ANKRD24: variants seen among roughly 807,000 people sequenced by gnomAD.
ANKRD24 encodes ankyrin repeat domain-containing protein 24.
Under a neutral mutation model 127.8 loss-of-function variants are expected in ANKRD24, and 109 were observed. The ratio of observed to expected loss-of-function variants is 0.85; its 90% CI spans 0.73 to 1.00. The LOEUF (loss-of-function observed/expected upper bound fraction) is 1.00. Ranked by LOEUF, ANKRD24 falls within the 50% of genes least tolerant of loss-of-function variation. The probability of loss-of-function intolerance (pLI) is 0.00; values close to 1 mark genes in which losing one functional copy is unlikely to be tolerated. For missense variants in ANKRD24, 1,648 were observed against 1,570.2 expected (o/e 1.05, Z -0.84); for synonymous variants, 743 against 671.1 (o/e 1.11, Z -1.66).
chr19:4,222,733 C>A lies in ANKRD24; in HGVS notation c.3235C>A (p.Leu1079Ile). The change falls in exon 20 of 22, where the codon CTC becomes ATC. Residue 1079 changes from leucine to isoleucine, a missense_variant. By Grantham distance (5) the Leu-to-Ile change is conservative (BLOSUM62 2). Transcript: ENST00000318934. The stretch of plus-strand genomic sequence containing the variant: ...AGCCTTGAAGGAGCAGCCGGCCGCC[C>A]TCGCCACCCCTGAGGTGGAGGCTCT... ...KEALKEQPAA[L>I]ATPEVEALRD... 6.2e-7 allele frequency: 1 copy of A among 1,612,102 alleles called. No homozygotes were observed. Among genetic ancestry groups the A allele is most frequent in the South Asian group, 1.1e-5 (1 of 90,744 alleles).
chr19:4,199,867 C>T lies in ANKRD24; in HGVS notation c.124-8C>T. The T allele has an allele frequency of 6.4e-7, 1 of 1,566,464 alleles. No individual in the cohort carries two copies. Among genetic ancestry groups the T allele is most frequent in the Non-Finnish European group, 8.6e-7 (1 of 1,156,520 alleles). On this transcript the variant is annotated splice_region_variant and splice_polypyrimidine_tract_variant and intron_variant, in intron 3 of 21. Coordinates refer to ENST00000318934, the MANE Select transcript of ANKRD24 (RefSeq NM_001393985.1). This position sits in a 1 kb window ranked among gnomAD's most constrained non-coding sequence, Gnocchi z 5.2. ...ACTGCCCCACGCACTTCTGGGCGTG[C>T]CCTGCAGAGTCAAGACTGGGGCAAG...
rs769997717 is a variant in ANKRD24, at chr19:4,224,186, C to T, written c.3357C>T (p.Ala1119=). 1 of 1,611,106 alleles carries T rather than the reference C, an allele frequency of 6.2e-7. No individual in the cohort carries two copies. The highest frequency in any genetic ancestry group is 1.1e-5 in the South Asian group (1 of 90,538). ...TGTACAGAAGCCACCTCCTATATGC[C>T]ATTCAGGTGAGTGGCCCAGCTCCTG... The part of the protein sequence containing the change: ...VALYRSHLLY[A]IQGQMDEDVQ... The change falls in exon 21 of 22, where the codon GCC becomes GCT. Residue 1119 remains alanine (A), a synonymous_variant. Coordinates refer to ENST00000318934, the MANE Select transcript of ANKRD24 (RefSeq NM_001393985.1).
At chr19:4,185,854 C>CA (rs1968032197) in intron 1 of ANKRD24, among the ~76,000 whole-genome samples, 1 of 152,154 alleles carries the variant, frequency 6.6e-6, no homozygotes, top group African/African-American at 2.4e-5. Flanking sequence ...GAGGCAGAGG[C>CA]AGAGACCCAG....
At position 4,223,401 on chromosome 19, in the gene ANKRD24, ATTTTT is replaced by A. The variant is rs1173862080; in HGVS notation, c.3297+621_3297+625del. Among the ~76,000 whole-genome samples the A allele has an allele frequency of 2.9e-3, 152 of 53,288 alleles. No homozygotes were observed. In the East Asian group the frequency reaches 0.039, roughly 14 times the overall value. 35.0% of individuals were successfully genotyped at this position (53,288 alleles called of 152,430 possible). ...TATATATATATATATATATATATAT[ATTTTT>A]TTTTTTTTTTTTTTGAGCCAGTCTC... On this transcript the variant is annotated intron_variant, in intron 20 of 21. Transcript: ENST00000318934.
At chr19:4,209,797 G>A (rs867733662) in intron 11 of ANKRD24, among the ~76,000 whole-genome samples, 2 of 152,208 alleles carry the variant, frequency 1.3e-5, no homozygotes, top group African/African-American at 4.8e-5. Flanking sequence ...GAGTGAAAAC[G>A]TGTGGGCAAT....
At chr19:4,204,765 A>C (rs991066508) in intron 7 of ANKRD24, among the ~76,000 whole-genome samples, 2 of 152,226 alleles carry the variant, frequency 1.3e-5, no homozygotes, top group African/African-American at 4.8e-5. Context: ...AATTCTCTGC[A>C]GTTGGAGTAT....
intron 11 of ANKRD24, 114 bp from the exon 12 acceptor site, chr19:4,209,944 C>T: frequency 1.5e-6 from 1 of 646,416 alleles, no homozygotes; most frequent in Non-Finnish European, 2.8e-6. Flanking sequence ...CTGCTGGTTC[C>T]ATGTTCTCAG....
chr19:4,205,053 C>T (rs151303886), intron 7 of ANKRD24, among the ~76,000 whole-genome samples: 2,596 of 152,148 alleles, frequency 0.017, 78 homozygotes, highest in African/African-American at 0.059. Flanking sequence ...CTGGCCAACA[C>T]GGTGAAACCC....
intron 19 of ANKRD24, 74 bp from the exon 20 acceptor site, chr19:4,222,596 C>T: frequency 1.4e-6 from 2 of 1,452,084 alleles, no homozygotes; most frequent in East Asian, 2.5e-5. Context: ...CTGGCCTCTT[C>T]CTGCGGCTGC....
At chr19:4,192,468 C>T (rs952207372) in intron 2 of ANKRD24, among the ~76,000 whole-genome samples, 5 of 151,326 alleles carry the variant, frequency 3.3e-5, no homozygotes, top group African/African-American at 1.2e-4. Context: ...GCCTTAGCCT[C>T]CCAAAGTGCT....
In ANKRD24 at chr19:4,199,410, C is replaced by T. The variant is rs1463279164; in HGVS notation, c.37-273C>T. On this transcript the variant is annotated intron_variant, in intron 2 of 21. Coordinates refer to ENST00000318934, the MANE Select transcript of ANKRD24 (RefSeq NM_001393985.1). The surrounding 1 kb of genome is among the most constrained non-coding windows in gnomAD (Gnocchi z 5.2). ...TATTTTTTGTAGAGACGGGGTCCTA[C>T]TATGGTGCCCAGGTTTGTCTCAAAC... The T allele has an allele frequency of 7.1e-6, 5 of 701,918 alleles. No homozygotes were observed. The highest frequency in any genetic ancestry group is 1.3e-4 in the East Asian group (1 of 7,546). The allele number at this position is 701,918 out of a possible 1,614,324, so 43.5% of individuals were successfully genotyped here. A position where few individuals can be genotyped will look rare whatever the true frequency, so the allele number is the denominator to read the frequency against.
At chr19:4,183,724 A>G (rs1967877841) in intron 1 of ANKRD24, among the ~76,000 whole-genome samples, 1 of 151,810 alleles carries the variant, frequency 6.6e-6, no homozygotes, top group East Asian at 2.0e-4. Flanking sequence ...GACCACCCTG[A>G]CCAACATGGA....
intron 2 of ANKRD24, among the ~76,000 whole-genome samples, chr19:4,193,382 C>T (rs1360575463): frequency 6.6e-6 from 1 of 151,318 alleles, no homozygotes; most frequent in Admixed American, 6.6e-5. Flanking sequence ...GAAGAGGCAT[C>T]TCCAAGAGTG....
chr19:4,184,448 A>G lies in ANKRD24; in HGVS notation c.-37+1708A>G, dbSNP rs1599382975. On this transcript the variant is annotated intron_variant, in intron 1 of 21. Coordinates refer to ENST00000318934, the MANE Select transcript of ANKRD24 (RefSeq NM_001393985.1). Reference sequence around the variant, plus strand: ...GAGCTACCCAGGTACCCTGACACACACATGCACTCGTTCACCCACGCACTT... The same window carrying G: ...GAGCTACCCAGGTACCCTGACACACGCATGCACTCGTTCACCCACGCACTT... 2.0e-5 allele frequency among the ~76,000 whole-genome samples: 3 copies of G among 152,290 alleles called. No individual in the cohort carries two copies. The South Asian group carries it at 6.2e-4, about 32-fold the overall frequency.
In ANKRD24 at chr19:4,202,105, TATCTC is replaced by T. The variant is rs760495844; in HGVS notation, c.408+17_408+21del. The T allele has an allele frequency of 2.0e-5, 32 of 1,612,656 alleles. No homozygotes were observed. Among genetic ancestry groups the T allele is most frequent in the African/African-American group, 1.6e-4 (12 of 74,960 alleles). On this transcript the variant is annotated intron_variant, in intron 6 of 21. Coordinates refer to ENST00000318934, the MANE Select transcript of ANKRD24 (RefSeq NM_001393985.1). The stretch of plus-strand genomic sequence containing the variant: ...AACTACTGCAGGTCATTTACTGTCT[TATCTC>T]AGCTACTCCCTTGGCCCCTACTACT...
At chr19:4,192,124 C>T (rs1220797609) in intron 2 of ANKRD24, among the ~76,000 whole-genome samples, 1 of 151,362 alleles carries the variant, frequency 6.6e-6, no homozygotes, top group Non-Finnish European at 1.5e-5. Flanking sequence ...CAACAGTTGG[C>T]ATTGCTTACT....
Position 4,196,655 on chromosome 19 carries a change from G to A in ANKRD24, c.37-3028G>A, listed in dbSNP as rs540221121. On this transcript the variant is annotated intron_variant, in intron 2 of 21. Transcript: ENST00000318934. The stretch of plus-strand genomic sequence containing the variant: ...CTCCCAAAGTTTTGGGATTACAGGC[G>A]TGAGCCACCGCGCCTGGCCTCCAGG... Among the ~76,000 whole-genome samples, 96 of 152,322 alleles carry A rather than the reference G, an allele frequency of 6.3e-4. 1 individual carries two copies. The highest frequency in any genetic ancestry group is 1.0e-3 in the Non-Finnish European group (71 of 68,030).
Position 4,214,982 on chromosome 19 carries a change from A to G in ANKRD24, c.1198-996A>G, listed in dbSNP as rs559724552. The stretch of plus-strand genomic sequence containing the variant: ...CCTCCAGCCAGCTCTTTGCATGCCA[A>G]ATGGATACTGTCGCATCCACTCTCA... On this transcript the variant is annotated intron_variant, in intron 15 of 21. Transcript: ENST00000318934. 2.0e-5 allele frequency among the ~76,000 whole-genome samples: 3 copies of G among 152,314 alleles called. No homozygotes were observed. In the South Asian group the frequency reaches 6.2e-4, roughly 32 times the overall value.
At chr19:4,223,066 G>A (rs749343551) in intron 20 of ANKRD24, among the ~76,000 whole-genome samples, 10 of 151,802 alleles carry the variant, frequency 6.6e-5, no homozygotes, top group South Asian at 6.2e-4. Context: ...ATGCCTTAGC[G>A]TCCTGCGTAG....
Sources: allele counts gnomAD v4.1 joint callset (sites outside exome capture counted in the v4.1 genomes callset), GRCh38; gene constraint gnomAD v4.1.1; non-coding constraint Gnocchi (gnomAD v3.1); transcripts MANE v1.5; gene names NCBI Gene and HGNC (gene_info 2026-07-23, HGNC 2026-07-21).